Variants in CD69 observed in about 807,000 individuals in gnomAD.
The protein encoded by CD69 is early activation antigen CD69.
Under a neutral mutation model 21.4 loss-of-function variants are expected in CD69, and 10 were observed. That is an observed-to-expected ratio of 0.47 (90% CI 0.29 to 0.79). The LOEUF is 0.79. Among genes scored for constraint, CD69 ranks in the 30% least tolerant of loss-of-function variants. The pLI is 0.09. For missense variants in CD69, 204 were observed against 236.9 expected (o/e 0.86, Z 0.91); for synonymous variants, 63 against 78.2 (o/e 0.81, Z 1.03).
chr12:9,753,943 A>C, intron 4 of CD69, among the ~76,000 whole-genome samples: 1 of 152,206 alleles, frequency 6.6e-6, no homozygotes, highest in East Asian at 1.9e-4. Context: ...TAAGGGGTTT[A>C]TGGCTCCTGA....
chr12:9,760,796 C>T lies in CD69; in HGVS notation c.25G>A (p.Ala9Thr), dbSNP rs972418625. ...TCCGGATGCAAAGAGCTGTTCTCTGCTACGAAACAATTTTCAGAGCTCATC... is the reference window on the plus strand; with the variant it reads ...TCCGGATGCAAAGAGCTGTTCTCTGTTACGAAACAATTTTCAGAGCTCATC... MSSENCFV[A>T]ENSSLHPESG... The change falls in exon 1 of 5, where the codon GCA becomes ACA. Residue 9 changes from alanine (A) to threonine (T), a missense_variant. Ala to Thr is a moderately conservative substitution (Grantham distance 58). Coordinates refer to ENST00000228434, the MANE Select transcript of CD69 (RefSeq NM_001781.2). 9 of 1,612,746 alleles carry T rather than the reference C, an allele frequency of 5.6e-6. 2 individuals carry two copies. Among genetic ancestry groups the T allele is most frequent in the Admixed American group, 1.7e-5 (1 of 60,020 alleles).
At chr12:9,757,877 C>A (rs1224242468) in intron 1 of CD69, among the ~76,000 whole-genome samples, 1 of 152,140 alleles carries the variant, frequency 6.6e-6, no homozygotes, top group Non-Finnish European at 1.5e-5. Flanking sequence ...TGTATACCTA[C>A]GAGCTGTGCA....
intron 2 of CD69, among the ~76,000 whole-genome samples, 172 bp from the exon 3 acceptor site, chr12:9,755,433 C>G (rs1387863632): frequency 6.6e-6 from 1 of 152,224 alleles, no homozygotes. Context: ...AGGACCATAT[C>G]TGATCTTCCA....
chr12:9,760,246 T>C lies in CD69; in HGVS notation c.64+511A>G, dbSNP rs114360247. On this transcript the variant is annotated intron_variant, in intron 1 of 4. Coordinates refer to ENST00000228434, the MANE Select transcript of CD69 (RefSeq NM_001781.2). ...AGGATGCTGTCATGAGAACACAGGA[T>C]AAGGTACACTGAAAGCAGACACTGA... Among the ~76,000 whole-genome samples, 1,517 of 152,048 alleles carry C rather than the reference T, an allele frequency of 1.0e-2. 23 individuals carry two copies. The highest frequency in any genetic ancestry group is 0.035 in the African/African-American group (1,448 of 41,466).
At chr12:9,754,753 T>A (rs2121097982) in intron 3 of CD69, 63 bp from the exon 4 acceptor site, 3 of 1,063,934 alleles carry the variant, frequency 2.8e-6, no homozygotes, top group Non-Finnish European at 4.4e-6. Context: ...AGATAGTAAA[T>A]CCTGTTTCTC....
intron 1 of CD69, among the ~76,000 whole-genome samples, chr12:9,757,101 A>G (rs1866686097): frequency 6.6e-6 from 1 of 152,072 alleles, no homozygotes; most frequent in Non-Finnish European, 1.5e-5. Flanking sequence ...AAATAAATAA[A>G]TAAAAAATTC....
Position 9,755,230 on chromosome 12 carries a change from T to A in CD69, c.219A>T (p.Thr73=). The stretch of plus-strand genomic sequence containing the variant: ...CATGGCTGTCTGATGGCATTGAGAA[T>A]GTGTATTGGCCTGGACAATTGTATT... ...VGQYNCPGQY[T]FSMPSDSHVS... Residue 73 remains threonine (T), a synonymous_variant, in exon 3 of 5, where the codon ACA becomes ACT. Coordinates refer to ENST00000228434, the MANE Select transcript of CD69 (RefSeq NM_001781.2). The A allele has an allele frequency of 6.2e-7, 1 of 1,614,134 alleles. No homozygotes were observed. Among genetic ancestry groups the A allele is most frequent in the South Asian group, 1.1e-5 (1 of 91,084 alleles).
At chr12:9,753,701 A>G (rs1866649786) in intron 4 of CD69, 112 bp from the exon 5 acceptor site, 2 of 510,114 alleles carry the variant, frequency 3.9e-6, no homozygotes, top group Non-Finnish European at 7.1e-6. Context: ...TCTTAGTGGG[A>G]TACACAAGTC....
intron 1 of CD69, 65 bp from the exon 2 acceptor site, chr12:9,756,484 A>G (rs1440111872): frequency 8.3e-6 from 11 of 1,327,504 alleles, no homozygotes; most frequent in African/African-American, 3.0e-5. Context: ...AATATGCAAC[A>G]TTCTTTTGAG....
intron 1 of CD69, among the ~76,000 whole-genome samples, chr12:9,760,276 A>G (rs889902618): frequency 6.6e-6 from 1 of 152,242 alleles, no homozygotes; most frequent in African/African-American, 2.4e-5. Context: ...CACTGAATGC[A>G]AAGGAAGGCA....
Position 9,753,061 on chromosome 12 carries a change from T to G in CD69, c.*420A>C, listed in dbSNP as rs1866642636. On this transcript the variant is annotated 3_prime_UTR_variant, in exon 5 of 5. Transcript: ENST00000228434. ...CCAGCCATAATTCCTTTGTTTACAT[T>G]CAGTATCTAGTACCAACATCTAACT... is the stretch of plus-strand genomic sequence containing the variant. 6.5e-6 allele frequency: 1 copy of G among 152,918 alleles called. No homozygotes were observed. Among genetic ancestry groups the G allele is most frequent in the South Asian group, 2.1e-4 (1 of 4,832 alleles). The allele number at this position is 152,918 out of a possible 1,614,324, so 9.5% of individuals were successfully genotyped here.
chr12:9,757,881 C>G (rs1866694638), intron 1 of CD69, among the ~76,000 whole-genome samples: 1 of 152,158 alleles, frequency 6.6e-6, no homozygotes, highest in African/African-American at 2.4e-5. Flanking sequence ...TACCTACGAG[C>G]TGTGCATTCA....
At position 9,755,268 on chromosome 12, in the gene CD69, A is replaced by G. The variant is rs1565488849; in HGVS notation, c.188-7T>C. ...GGACAATTGTATTGGCCCACTGTGAACAGAAAAATGCTTTGTTTTAGTAAC... is the reference window on the plus strand; with the variant it reads ...GGACAATTGTATTGGCCCACTGTGAGCAGAAAAATGCTTTGTTTTAGTAAC... On this transcript the variant is annotated splice_polypyrimidine_tract_variant and splice_region_variant and intron_variant, in intron 2 of 4. Transcript: ENST00000228434. 6.2e-7 allele frequency: 1 copy of G among 1,612,388 alleles called. No individual in the cohort carries two copies. Among genetic ancestry groups the G allele is most frequent in the Admixed American group, 1.7e-5 (1 of 60,010 alleles).
At chr12:9,754,483 G>C in intron 4 of CD69, 104 bp downstream of exon 4, 1 of 724,582 alleles carries the variant, frequency 1.4e-6, no homozygotes, top group Non-Finnish European at 2.5e-6. Flanking sequence ...TAGAGCTCTT[G>C]AAGAGCTCAG....
At chr12:9,757,450 T>C (rs1395272241) in intron 1 of CD69, among the ~76,000 whole-genome samples, 1 of 152,194 alleles carries the variant, frequency 6.6e-6, no homozygotes, top group Non-Finnish European at 1.5e-5. Flanking sequence ...CAAAATGCCT[T>C]GTGCAAGAAT....
At chr12:9,760,414 T>G (rs193065809) in intron 1 of CD69, among the ~76,000 whole-genome samples, 1 of 152,330 alleles carries the variant, frequency 6.6e-6, no homozygotes, top group African/African-American at 2.4e-5. Context: ...AGTTTTCTAA[T>G]TAAATCTAAA....
intron 1 of CD69, among the ~76,000 whole-genome samples, chr12:9,759,176 A>T (rs1041701859): frequency 4.6e-5 from 7 of 152,056 alleles, no homozygotes; most frequent in African/African-American, 7.2e-5. Context: ...TGATCCGCCC[A>T]CCTCGGCCTC....
intron 1 of CD69, among the ~76,000 whole-genome samples, chr12:9,756,620 A>G (rs1329059488): frequency 6.6e-6 from 1 of 152,194 alleles, no homozygotes; most frequent in East Asian, 1.9e-4. Flanking sequence ...TTGAAATGAA[A>G]CAATTCAAGC....
intron 1 of CD69, among the ~76,000 whole-genome samples, chr12:9,759,895 C>G (rs1302725357): frequency 2.6e-5 from 4 of 152,002 alleles, no homozygotes; most frequent in South Asian, 4.2e-4. Flanking sequence ...ATCCCAGTAA[C>G]AGGAAATAAG....
Sources: gnomAD v4.1 joint callset for allele counts (sites outside exome capture counted in the v4.1 genomes callset) on GRCh38, gnomAD v4.1.1 for gene constraint, MANE v1.5 for transcripts, NCBI Gene and HGNC (gene_info 2026-07-23, HGNC 2026-07-21) for gene names.